The following GALNT17 variants were observed in gnomAD, a reference collection of about 807,000 sequenced individuals.
The protein encoded by GALNT17 is UDP-GalNAc:polypeptide N-acetylgalactosaminyltransferase-like 3.
GALNT17 carries 29 observed loss-of-function variants against 63.7 expected under a neutral mutation model. The ratio of observed to expected loss-of-function variants is 0.46; its 90% CI spans 0.34 to 0.62. The LOEUF is 0.62. Ranked by LOEUF, GALNT17 falls within the 20% of genes least tolerant of loss-of-function variation. The probability of loss-of-function intolerance (pLI) is 0.01; values close to 1 mark genes in which losing one functional copy is unlikely to be tolerated. For missense variants in GALNT17, 603 were observed against 799.6 expected (o/e 0.75, Z 2.97); for synonymous variants, 305 against 318.3 (o/e 0.96, Z 0.45).
intron 9 of GALNT17, among the ~76,000 whole-genome samples, chr7:71,705,190 T>C (rs1791705843): frequency 6.6e-6 from 1 of 152,062 alleles, no homozygotes; most frequent in Admixed American, 6.6e-5. Context: ...AACCCTTTTT[T>C]TGATGGTCAA....
intron 1 of GALNT17, among the ~76,000 whole-genome samples, chr7:71,137,447 C>T (rs1787807622): frequency 1.3e-5 from 2 of 152,102 alleles, no homozygotes; most frequent in Non-Finnish European, 1.5e-5. Context: ...CCATTTTGGA[C>T]TTTTAATACC....
At chr7:71,235,461 C>T (rs1041065816) in intron 1 of GALNT17, among the ~76,000 whole-genome samples, 8 of 151,854 alleles carry the variant, frequency 5.3e-5, no homozygotes, top group Admixed American at 1.3e-4. Flanking sequence ...GAATAAATGA[C>T]GTATGAAATG....
chr7:71,487,380 G>A (rs1787929049), intron 5 of GALNT17, among the ~76,000 whole-genome samples: 1 of 152,168 alleles, frequency 6.6e-6, no homozygotes, highest in South Asian at 2.1e-4. Context: ...GGAGCAACTG[G>A]AAGCTGGAAA....
intron 9 of GALNT17, among the ~76,000 whole-genome samples, chr7:71,682,623 C>A (rs1289465760): frequency 1.3e-5 from 2 of 152,284 alleles, no homozygotes; most frequent in Middle Eastern, 3.4e-3. Context: ...TAGCTCACTG[C>A]AGCCTTGACC....
chr7:71,502,657 G>A (rs961206531), intron 5 of GALNT17, among the ~76,000 whole-genome samples: 1 of 152,130 alleles, frequency 6.6e-6, no homozygotes, highest in African/African-American at 2.4e-5. Flanking sequence ...CACCCTCACT[G>A]TTTCAATCTT....
intron 1 of GALNT17, among the ~76,000 whole-genome samples, chr7:71,151,778 T>C (rs7801027): frequency 0.47 from 71,438 of 151,978 alleles, 18,349 homozygotes; most frequent in African/African-American, 0.66. Context: ...AAGTTGTTTG[T>C]AATTATAAAC....
intron 5 of GALNT17, among the ~76,000 whole-genome samples, chr7:71,461,870 T>C (rs543736147): frequency 1.1e-4 from 17 of 152,304 alleles, no homozygotes; most frequent in African/African-American, 3.8e-4. Flanking sequence ...GAGTTACTTA[T>C]GTAATTGCTA....
chr7:71,239,296 C>A (rs1260668102), intron 1 of GALNT17, among the ~76,000 whole-genome samples: 1 of 40,620 alleles, frequency 2.5e-5, no homozygotes, highest in Admixed American at 2.6e-4. Flanking sequence ...CCTGTCTGTA[C>A]CCCCCCCCAA....
intron 2 of GALNT17, among the ~76,000 whole-genome samples, chr7:71,371,310 A>G (rs933430133): frequency 2.0e-5 from 3 of 152,248 alleles, no homozygotes; most frequent in African/African-American, 4.8e-5. Flanking sequence ...CAGAAAAAGT[A>G]TAAAGAAGCA....
At chr7:71,475,340 G>T (rs1471611365) in intron 5 of GALNT17, among the ~76,000 whole-genome samples, 1 of 152,108 alleles carries the variant, frequency 6.6e-6, no homozygotes, top group East Asian at 1.9e-4. Context: ...GTAGAATCAG[G>T]GGGAGCCCTG....
intron 7 of GALNT17, 64 bp from the exon 8 acceptor site, chr7:71,669,908 C>T: frequency 1.9e-6 from 3 of 1,589,996 alleles, no homozygotes; most frequent in East Asian, 2.2e-5. Context: ...GTGACTCCAC[C>T]TGTGCCCCAC....
intron 3 of GALNT17, among the ~76,000 whole-genome samples, chr7:71,389,454 G>T (rs563144248): frequency 3.3e-5 from 5 of 152,088 alleles, no homozygotes; most frequent in Admixed American, 6.6e-5. Flanking sequence ...CTTTTTATGA[G>T]AATCTAATGT....
chr7:71,237,239 G>C (rs1789909848), intron 1 of GALNT17, among the ~76,000 whole-genome samples: 1 of 152,136 alleles, frequency 6.6e-6, no homozygotes, highest in African/African-American at 2.4e-5. Context: ...CAAGTTCGGG[G>C]GAGTAGCTGA....
intron 1 of GALNT17, among the ~76,000 whole-genome samples, chr7:71,299,187 C>A (rs1368379110): frequency 6.6e-6 from 1 of 152,138 alleles, no homozygotes; most frequent in Non-Finnish European, 1.5e-5. Context: ...ATGTGTGGGA[C>A]CAGCTGGTGG....
Position 71,148,417 on chromosome 7 carries a change from C to G in GALNT17, c.238+15377C>G, listed in dbSNP as rs79795219. ...GTTTTCCAGAAGTCTACCTGGTAGG[C>G]TCCTACATGTGAGCCAGGACATAGT... On this transcript the variant is annotated intron_variant, in intron 1 of 10. Coordinates refer to ENST00000333538, the MANE Select transcript of GALNT17 (RefSeq NM_022479.3). Among the ~76,000 whole-genome samples the G allele has an allele frequency of 7.4e-3, 1,132 of 152,260 alleles. 10 individuals are homozygous for G. The highest frequency in any genetic ancestry group is 0.017 in the Middle Eastern group (5 of 294).
Position 71,713,138 on chromosome 7 carries a change from C to T in GALNT17, c.*992C>T, listed in dbSNP as rs1791819828. On this transcript the variant is annotated 3_prime_UTR_variant, in exon 11 of 11. Transcript: ENST00000333538. ...TCGATTGCCCTCTGGTTAGGGTGCACATATAAATCAGAGTTAATATATGAA... is the reference window on the plus strand; with the variant it reads ...TCGATTGCCCTCTGGTTAGGGTGCATATATAAATCAGAGTTAATATATGAA... 6.5e-6 allele frequency: 1 copy of T among 152,830 alleles called. No homozygotes were observed. Among genetic ancestry groups the T allele is most frequent in the Admixed American group, 6.5e-5 (1 of 15,296 alleles). The allele number at this position is 152,830 out of a possible 1,614,324, so 9.5% of individuals were successfully genotyped here. A position where few individuals can be genotyped will look rare whatever the true frequency, so the allele number is the denominator to read the frequency against.
At chr7:71,601,587 GC>G (rs1408250249) in intron 6 of GALNT17, among the ~76,000 whole-genome samples, 1 of 152,072 alleles carries the variant, frequency 6.6e-6, no homozygotes, top group African/African-American at 2.4e-5. Flanking sequence ...CTTGAGACCA[GC>G]CTGGGCAACA....
intron 1 of GALNT17, among the ~76,000 whole-genome samples, chr7:71,261,221 C>T (rs1372694481): frequency 6.6e-6 from 1 of 152,146 alleles, no homozygotes; most frequent in Non-Finnish European, 1.5e-5. Flanking sequence ...TGAGATGCAT[C>T]CTGGATTCTG....
chr7:71,490,492 C>G (rs567078967), intron 5 of GALNT17, among the ~76,000 whole-genome samples: 1 of 152,124 alleles, frequency 6.6e-6, no homozygotes, highest in South Asian at 2.1e-4. Context: ...GGGAACAGCT[C>G]TAGCAAGTGA....
Sources: allele counts gnomAD v4.1 joint callset (sites outside exome capture counted in the v4.1 genomes callset), GRCh38; gene constraint gnomAD v4.1.1; transcripts MANE v1.5; gene names NCBI Gene and HGNC (gene_info 2026-07-23, HGNC 2026-07-21).